The following GSPT1 variants were observed in gnomAD, a reference collection of about 807,000 sequenced individuals.
GSPT1 encodes eukaryotic peptide chain release factor GTP-binding subunit ERF3A.
GSPT1 carries 20 observed loss-of-function variants against 72.5 expected under a neutral mutation model. The observed-to-expected ratio is 0.28, with a 90% confidence interval of 0.19 to 0.40. The LOEUF (loss-of-function observed/expected upper bound fraction) is 0.40, where lower values mean the gene tolerates loss of function less well. Ranked by LOEUF, GSPT1 falls within the 10% of genes least tolerant of loss-of-function variation. The pLI, the probability that GSPT1 is intolerant of heterozygous loss-of-function variation, is 1.00. For synonymous variants in GSPT1, 334 were observed against 293.5 expected (o/e 1.14, Z -1.41); for missense variants, 580 against 811.9 (o/e 0.71, Z 3.47).
intron 9 of GSPT1, 26 bp downstream of exon 9, chr16:11,886,445 A>T (rs530947781): frequency 6.9e-5 from 106 of 1,539,104 alleles, no homozygotes; most frequent in South Asian, 7.1e-5. Flanking sequence ...TTTCCTTTTT[A>T]AAAAAAGGAA....
chr16:11,904,775 T>C (rs576830182), intron 1 of GSPT1, among the ~76,000 whole-genome samples: 126 of 152,340 alleles, frequency 8.3e-4, no homozygotes, highest in Non-Finnish European at 1.4e-3. Context: ...TTTAAATTCA[T>C]ACTGCTTTAG....
At chr16:11,889,257 G>A (rs1418779064) in intron 6 of GSPT1, among the ~76,000 whole-genome samples, 1 of 151,570 alleles carries the variant, frequency 6.6e-6, no homozygotes, top group Non-Finnish European at 1.5e-5. Context: ...GCAGTGAGTG[G>A]AGATGGAGCC....
rs142921989 is a variant in GSPT1, at chr16:11,891,398, T to C, written c.699-259A>G. Among the ~76,000 whole-genome samples, 10 of 150,134 alleles carry C rather than the reference T, an allele frequency of 6.7e-5. 1 individual carries two copies. In the East Asian group the frequency reaches 1.9e-3, roughly 29 times the overall value. Reference sequence around the variant, plus strand: ...TTTTTTTGAGACAGAGTTTCGCTCTTGTCATCCACCTGGAGTGCAATGGCA... The same window carrying C: ...TTTTTTTGAGACAGAGTTTCGCTCTCGTCATCCACCTGGAGTGCAATGGCA... On this transcript the variant is annotated intron_variant, in intron 5 of 14. Transcript: ENST00000434724.
intron 1 of GSPT1, among the ~76,000 whole-genome samples, chr16:11,910,486 G>A (rs1216797391): frequency 6.6e-6 from 1 of 152,122 alleles, no homozygotes; most frequent in Admixed American, 6.5e-5. Flanking sequence ...TTAATGAGTC[G>A]CTAGTACATA....
intron 1 of GSPT1, among the ~76,000 whole-genome samples, chr16:11,906,718 G>A (rs940953663): frequency 2.0e-5 from 3 of 152,100 alleles, no homozygotes; most frequent in African/African-American, 2.4e-5. Flanking sequence ...GGGTGGTAAC[G>A]ATAAAAAAGC....
In GSPT1 at chr16:11,915,703, G is replaced by A. The variant is rs1322740657; in HGVS notation, c.18C>T (p.Gly6=). The part of the protein sequence containing the change: MDPGS[G]GGGGGGGGGG... ...CGCCGCCGCCGCCGCCGCCGCCGCC[G>A]CCACTGCCCGGATCCATGATCGGGG... Residue 6 remains glycine (G), a synonymous_variant, in exon 1 of 15, where the codon GGC becomes GGT. Transcript: ENST00000434724. 9 of 1,480,994 alleles carry A rather than the reference G, an allele frequency of 6.1e-6. No homozygotes were observed. The highest frequency in any genetic ancestry group is 2.8e-5 in the East Asian group (1 of 35,470). The allele number at this position is 1,480,994 out of a possible 1,614,324, so 91.7% of individuals were successfully genotyped here.
chr16:11,909,508 T>G (rs78198462), intron 1 of GSPT1, among the ~76,000 whole-genome samples: 1 of 152,288 alleles, frequency 6.6e-6, no homozygotes, highest in South Asian at 2.1e-4. Flanking sequence ...ATTCTAAACA[T>G]GCCCCAATAG....
chr16:11,898,996 G>A (rs1399345087), intron 1 of GSPT1, among the ~76,000 whole-genome samples: 1 of 152,138 alleles, frequency 6.6e-6, no homozygotes, highest in Non-Finnish European at 1.5e-5. Context: ...AAGAGATGTA[G>A]GAGAAATACA....
rs181325784 is a variant in GSPT1, at chr16:11,913,877, C to A, written c.352+1492G>T. Among the ~76,000 whole-genome samples, 3 of 152,342 alleles carry A rather than the reference C, an allele frequency of 2.0e-5. No homozygotes were observed. The East Asian group carries it at 5.8e-4, about 29-fold the overall frequency. ...CTCAAAAGAAAACATCAACCACCCA[C>A]ACAAATAAATGCCACTGTCAACAAA... On this transcript the variant is annotated intron_variant, in intron 1 of 14. Coordinates refer to ENST00000434724, the MANE Select transcript of GSPT1 (RefSeq NM_002094.4).
rs1239375124 is a variant in GSPT1, at chr16:11,915,723, T to G, written c.-3A>C. On this transcript the variant is annotated 5_prime_UTR_variant, in exon 1 of 15. Transcript: ENST00000434724. ...CCGCCGCCACTGCCCGGATCCATGA[T>G]CGGGGGGGCCGTGTGTGTGGTGGAC... 1 of 1,513,264 alleles carries G rather than the reference T, an allele frequency of 6.6e-7. No homozygotes were observed. The highest frequency in any genetic ancestry group is 8.8e-7 in the Non-Finnish European group (1 of 1,137,438). The allele number at this position is 1,513,264 out of a possible 1,614,324, so 93.7% of individuals were successfully genotyped here.
chr16:11,883,908 T>C (rs1286802628), intron 10 of GSPT1, among the ~76,000 whole-genome samples: 1 of 147,096 alleles, frequency 6.8e-6, no homozygotes. Context: ...CGAGACTCCA[T>C]CTCAAAAAAA....
intron 11 of GSPT1, chr16:11,882,245 C>G (rs1224716752): frequency 1.3e-5 from 2 of 152,214 alleles, no homozygotes; most frequent in African/African-American, 2.4e-5. Flanking sequence ...GAGACTCCAT[C>G]TCAAAACAAC....
chr16:11,875,119 G>A (rs1357962877), intron 14 of GSPT1, among the ~76,000 whole-genome samples: 1 of 152,128 alleles, frequency 6.6e-6, no homozygotes, highest in East Asian at 1.9e-4. Flanking sequence ...AACCTGGGAG[G>A]TGGAGCTTGC....
At position 11,892,520 on chromosome 16, in the gene GSPT1, A is replaced by C. The variant is rs1305236864; in HGVS notation, c.699-1381T>G. Among the ~76,000 whole-genome samples, 88 of 138,918 alleles carry C rather than the reference A, an allele frequency of 6.3e-4. 4 individuals are homozygous for C. Among genetic ancestry groups the C allele is most frequent in the Non-Finnish European group, 1.1e-3 (75 of 66,772 alleles). 91.1% of individuals were successfully genotyped at this position (138,918 alleles called of 152,430 possible). ...AGACCCTTTCTCAAAAAAACAAAAA[A>C]AACAAAAAAAACAAAAAATAAAAAA... On this transcript the variant is annotated intron_variant, in intron 5 of 14. Coordinates refer to ENST00000434724, the MANE Select transcript of GSPT1 (RefSeq NM_002094.4).
rs1345212915 is a variant in GSPT1 at position 11,915,907 on chromosome 16, A to G, written c.-187T>C. ...TCCCGACTCCACACTCGCGACGACG[A>G]CAGAGGCGGCGGCGGCGGCAGCTCA... is the stretch of plus-strand genomic sequence containing the variant. On this transcript the variant is annotated 5_prime_UTR_variant, in exon 1 of 15. Transcript: ENST00000434724. 11 of 862,052 alleles carry G rather than the reference A, an allele frequency of 1.3e-5. No individual in the cohort carries two copies. The highest frequency in any genetic ancestry group is 1.9e-5 in the Non-Finnish European group (10 of 514,372). The allele number at this position is 862,052 out of a possible 1,614,324, so 53.4% of individuals were successfully genotyped here.
intron 5 of GSPT1, among the ~76,000 whole-genome samples, chr16:11,893,424 C>T (rs1237446537): frequency 1.3e-5 from 2 of 151,084 alleles, no homozygotes; most frequent in African/African-American, 4.9e-5. Context: ...CATGCCCAGC[C>T]AAGTAAATTT....
At position 11,870,352 on chromosome 16, in the gene GSPT1, CT is replaced by C. The variant is rs1190792527; in HGVS notation, c.*2766del. 1 of 152,074 alleles carries C rather than the reference CT, an allele frequency of 6.6e-6. No homozygotes were observed. Among genetic ancestry groups the C allele is most frequent in the Non-Finnish European group, 1.5e-5 (1 of 68,028 alleles). The allele number at this position is 152,074 out of a possible 1,614,324, so 9.4% of individuals were successfully genotyped here. On this transcript the variant is annotated 3_prime_UTR_variant, in exon 15 of 15. Transcript: ENST00000434724. ...TTTATTTCAATATTTCTTAAATTCA[CT>C]TTATTAATTTAAAAAACTAAATAAT...
At position 11,868,248 on chromosome 16, in the gene GSPT1, T is replaced by C. The variant is rs954458239; in HGVS notation, c.*4871A>G. On this transcript the variant is annotated 3_prime_UTR_variant, in exon 15 of 15. Coordinates refer to ENST00000434724, the MANE Select transcript of GSPT1 (RefSeq NM_002094.4). ...CACACAGGCACCAAGTCAGGCACAG[T>C]AGGTAGCTACAAATCGTAAGAAAAA... The C allele has an allele frequency of 1.3e-5, 2 of 152,060 alleles. No individual in the cohort carries two copies. Among genetic ancestry groups the C allele is most frequent in the African/African-American group, 2.4e-5 (1 of 41,414 alleles). The allele number at this position is 152,060 out of a possible 1,614,324, so 9.4% of individuals were successfully genotyped here.
At chr16:11,895,833 G>A (rs33638) in intron 4 of GSPT1, among the ~76,000 whole-genome samples, 50,646 of 152,008 alleles carry the variant, frequency 0.33, 8,937 homozygotes, top group East Asian at 0.59. Flanking sequence ...CACCATGTTG[G>A]CCAGGCTGGT....
Sources: allele counts gnomAD v4.1 joint callset (sites outside exome capture counted in the v4.1 genomes callset), GRCh38; gene constraint gnomAD v4.1.1; transcripts MANE v1.5; gene names NCBI Gene and HGNC (gene_info 2026-07-23, HGNC 2026-07-21).